THRAP3: variants seen among roughly 807,000 people sequenced by gnomAD.
The protein encoded by THRAP3 is thyroid hormone receptor-associated protein 3.
A neutral mutation model predicts 101.0 loss-of-function variants in THRAP3; 16 were observed. The ratio of observed to expected loss-of-function variants is 0.16; its 90% confidence interval spans 0.11 to 0.24. The LOEUF (loss-of-function observed/expected upper bound fraction) is 0.24, where lower values mean the gene tolerates loss of function less well. Among genes scored for constraint, THRAP3 ranks in the 10% least tolerant of loss-of-function variants. The probability of loss-of-function intolerance (pLI) is 1.00; values close to 1 mark genes in which losing one functional copy is unlikely to be tolerated. For synonymous variants in THRAP3, 407 were observed against 422.6 expected (o/e 0.96, Z 0.45); for missense variants, 989 against 1,202.7 (o/e 0.82, Z 2.63).
chr1:36,272,763 G>A (rs1645607714), intron 2 of THRAP3, among the ~76,000 whole-genome samples: 1 of 152,114 alleles, frequency 6.6e-6, no homozygotes, highest in Admixed American at 6.6e-5. Context: ...CTCCTGACTG[G>A]ATGTTGGTGG....
At chr1:36,271,958 G>C (rs1001292207) in intron 2 of THRAP3, among the ~76,000 whole-genome samples, 1 of 151,880 alleles carries the variant, frequency 6.6e-6, no homozygotes, top group African/African-American at 2.4e-5. Context: ...TGGAACTCCT[G>C]ACCTCAAGTA....
Position 36,289,480 on chromosome 1 carries a change from A to G in THRAP3, c.1461A>G (p.Thr487=), listed in dbSNP as rs1267434195. ...APPGKEKQRK[T]EELEEESFPE... ...CAGGGAAGGAAAAGCAGAGAAAAAC[A>G]GAGGAGCTGGAGGAGGAGTCTTTCC... The change falls in exon 5 of 12, where the codon ACA becomes ACG. Residue 487 remains threonine, a synonymous_variant. Transcript: ENST00000354618. 2.5e-6 allele frequency: 4 copies of G among 1,614,240 alleles called. No homozygotes were observed. Among genetic ancestry groups the G allele is most frequent in the African/African-American group, 2.7e-5 (2 of 75,066 alleles).
intron 1 of THRAP3, among the ~76,000 whole-genome samples, chr1:36,254,594 G>A (rs905109053): frequency 6.6e-6 from 1 of 152,154 alleles, no homozygotes; most frequent in African/African-American, 2.4e-5. Flanking sequence ...ACCACTGAAG[G>A]CAGTCCCTGT....
the THRAP3 span, among the ~76,000 whole-genome samples, chr1:36,215,960 A>G: frequency 1.3e-5 from 2 of 151,630 alleles, no homozygotes; most frequent in South Asian, 2.1e-4. Context: ...TGTTGGTCAG[A>G]CTGGTCTCAA....
At chr1:36,290,179 G>T (rs1001860859) in intron 5 of THRAP3, among the ~76,000 whole-genome samples, 2 of 151,790 alleles carry the variant, frequency 1.3e-5, no homozygotes, top group Admixed American at 6.6e-5. Context: ...TTGTATTTTT[G>T]AGATAGTCTC....
intron 1 of THRAP3, among the ~76,000 whole-genome samples, chr1:36,228,376 T>G (rs1248209651): frequency 6.6e-6 from 1 of 152,182 alleles, no homozygotes; most frequent in South Asian, 2.1e-4. Flanking sequence ...CGCCACTATG[T>G]CCAGCTAATT....
intron 1 of THRAP3, among the ~76,000 whole-genome samples, chr1:36,228,943 T>G (rs1408793142): frequency 6.6e-6 from 1 of 152,032 alleles, no homozygotes; most frequent in Non-Finnish European, 1.5e-5. Flanking sequence ...AAGGTATTAG[T>G]GAGCTATGAT....
At chr1:36,216,372 T>C in the THRAP3 span, among the ~76,000 whole-genome samples, 1 of 150,992 alleles carries the variant, frequency 6.6e-6, no homozygotes, top group Non-Finnish European at 1.5e-5. Context: ...ATACAAAAAT[T>C]AGCTGTGTTT....
At chr1:36,236,722 T>G (rs781463167) in intron 1 of THRAP3, among the ~76,000 whole-genome samples, 2 of 152,250 alleles carry the variant, frequency 1.3e-5, no homozygotes, top group Non-Finnish European at 2.9e-5. Flanking sequence ...ATCACCATTT[T>G]CATATTAACT....
intron 1 of THRAP3, among the ~76,000 whole-genome samples, chr1:36,255,839 T>A (rs974557854): frequency 6.7e-6 from 1 of 150,160 alleles, no homozygotes; most frequent in Non-Finnish European, 1.5e-5. Flanking sequence ...GAAAAAAAAA[T>A]TCAGTCTTGT....
chr1:36,301,517 G>A, intron 10 of THRAP3, 36 bp from the exon 11 acceptor site: 2 of 1,604,110 alleles, frequency 1.2e-6, no homozygotes, highest in Non-Finnish European at 1.7e-6. Context: ...TTCCTGGCAT[G>A]ATCCTTTGTT....
chr1:36,278,923 CA>C lies in THRAP3; in HGVS notation c.-31-3601del, dbSNP rs543329752. Among the ~76,000 whole-genome samples the C allele has an allele frequency of 6.2e-5, 9 of 145,490 alleles. No homozygotes were observed. In the South Asian group the frequency reaches 8.8e-4, roughly 14 times the overall value. ...GAGCAACAAGAGCAAAACTCTGTCT[CA>C]AAAAAAAATAAATAAATAAAAATAA... On this transcript the variant is annotated intron_variant, in intron 2 of 11. Coordinates refer to ENST00000354618, the MANE Select transcript of THRAP3 (RefSeq NM_005119.4).
At chr1:36,248,518 A>G (rs1198387202) in intron 1 of THRAP3, among the ~76,000 whole-genome samples, 1 of 146,838 alleles carries the variant, frequency 6.8e-6, no homozygotes, top group Admixed American at 6.9e-5. Context: ...TGCAATCATG[A>G]CTCACTGCAG....
At position 36,287,275 on chromosome 1, in the gene THRAP3, G is replaced by GT. The variant is rs1198849062; in HGVS notation, c.1040+6dup. On this transcript the variant is annotated splice_donor_region_variant and intron_variant, in intron 4 of 11. Coordinates refer to ENST00000354618, the MANE Select transcript of THRAP3 (RefSeq NM_005119.4). ...AGGAGCAGCCTATACAAAGAGGCAAGTATCTCATTTCCCCTGCCTGGTTGT... is the reference window on the plus strand; with the variant it reads ...AGGAGCAGCCTATACAAAGAGGCAAGTTATCTCATTTCCCCTGCCTGGTTGT... 1 of 1,586,264 alleles carries GT rather than the reference G, an allele frequency of 6.3e-7. No homozygotes were observed. Among genetic ancestry groups the GT allele is most frequent in the African/African-American group, 1.4e-5 (1 of 73,946 alleles).
chr1:36,246,263 G>GAGTA (rs1483019905), intron 1 of THRAP3, among the ~76,000 whole-genome samples: 1 of 152,154 alleles, frequency 6.6e-6, no homozygotes, highest in African/African-American at 2.4e-5. Flanking sequence ...AATATGTATA[G>GAGTA]AGTAAGACCT....
chr1:36,279,136 T>A (rs1645700625), intron 2 of THRAP3, among the ~76,000 whole-genome samples: 1 of 152,148 alleles, frequency 6.6e-6, no homozygotes, highest in African/African-American at 2.4e-5. Flanking sequence ...CTTTTCTTCA[T>A]CTTAATGAAA....
intron 1 of THRAP3, among the ~76,000 whole-genome samples, chr1:36,239,787 TG>T (rs1159613211): frequency 6.6e-6 from 1 of 152,240 alleles, no homozygotes; most frequent in African/African-American, 2.4e-5. Flanking sequence ...ATTTTACATT[TG>T]TTAGCATTTG....
chr1:36,248,243 TC>T (rs1442110663), intron 1 of THRAP3, among the ~76,000 whole-genome samples: 1 of 152,124 alleles, frequency 6.6e-6, no homozygotes, highest in Non-Finnish European at 1.5e-5. Flanking sequence ...TTTGTTCATC[TC>T]CTCAGTTGTT....
At chr1:36,302,060 T>C (rs1646037034) in intron 11 of THRAP3, among the ~76,000 whole-genome samples, 1 of 152,188 alleles carries the variant, frequency 6.6e-6, no homozygotes. Flanking sequence ...TGCCACTCCT[T>C]CATGCAAGAA....
Sources: gnomAD v4.1 joint callset for allele counts (sites outside exome capture counted in the v4.1 genomes callset) on GRCh38, gnomAD v4.1.1 for gene constraint, MANE v1.5 for transcripts, NCBI Gene and HGNC (gene_info 2026-07-23, HGNC 2026-07-21) for gene names.